Variants in SH3RF1 observed in about 807,000 individuals in gnomAD.
SH3RF1 encodes the protein SH3 domain containing ring finger 1.
Under a neutral mutation model 74.0 loss-of-function variants are expected in SH3RF1, and 32 were observed. The ratio of observed to expected loss-of-function variants is 0.43; its 90% CI spans 0.33 to 0.58. SH3RF1 has a LOEUF of 0.58. Among genes scored for constraint, SH3RF1 ranks in the 20% least tolerant of loss-of-function variants. The probability of loss-of-function intolerance (pLI) is 0.05; values close to 1 mark genes in which losing one functional copy is unlikely to be tolerated. For missense variants in SH3RF1, 954 were observed against 1,130.9 expected (o/e 0.84, Z 2.24); for synonymous variants, 396 against 439.6 (o/e 0.90, Z 1.24).
chr4:169,224,321 A>AT (rs11459151), intron 2 of SH3RF1, among the ~76,000 whole-genome samples: 67,995 of 146,368 alleles, frequency 0.46, 16,781 homozygotes, highest in East Asian at 0.76. Context: ...CTAATTTCCT[A>AT]TTTTTTTTTT....
intron 2 of SH3RF1, among the ~76,000 whole-genome samples, chr4:169,266,229 G>A (rs1211322030): frequency 2.0e-5 from 3 of 152,116 alleles, no homozygotes; most frequent in Non-Finnish European, 4.4e-5. Flanking sequence ...TTGGCTAAAC[G>A]CATGAGGAGG....
chr4:169,253,267 C>T (rs1036010808), intron 2 of SH3RF1, among the ~76,000 whole-genome samples: 4 of 152,180 alleles, frequency 2.6e-5, no homozygotes, highest in African/African-American at 9.7e-5. Context: ...CTTCTTAATC[C>T]ATAAGGAAAT....
At chr4:169,224,812 T>C (rs563258382) in intron 2 of SH3RF1, among the ~76,000 whole-genome samples, 44 of 152,288 alleles carry the variant, frequency 2.9e-4, no homozygotes, top group Admixed American at 1.1e-3. Flanking sequence ...AGGATTTGCC[T>C]AATGTGGCTT....
At position 169,156,440 on chromosome 4, in the gene SH3RF1, G is replaced by A. The variant is rs1734054645; in HGVS notation, c.633C>T (p.Asp211=). 1 of 1,599,644 alleles carries A rather than the reference G, an allele frequency of 6.3e-7. No homozygotes were observed. Among genetic ancestry groups the A allele is most frequent in the South Asian group, 1.1e-5 (1 of 89,824 alleles). The part of the protein sequence containing the change: ...CKALYDFEVK[D]KEADKDCLPF... ...GAAGGCAATCTTTGTCTGCTTCCTT[G>A]TCTTTCACTTCAAAGTCATAAAGTG... Residue 211 remains aspartate (D), a synonymous_variant, in exon 3 of 12, where the codon GAC becomes GAT. Transcript: ENST00000284637.
At chr4:169,108,769 G>A (rs908643017) in intron 10 of SH3RF1, among the ~76,000 whole-genome samples, 24 of 152,212 alleles carry the variant, frequency 1.6e-4, no homozygotes, top group Admixed American at 1.4e-3. Flanking sequence ...CACAAACTTG[G>A]ACTGCCTGCA....
chr4:169,122,415 A>G, intron 6 of SH3RF1, 149 bp from the exon 7 acceptor site: 2 of 880,750 alleles, frequency 2.3e-6, no homozygotes, highest in Non-Finnish European at 1.7e-6. Flanking sequence ...CAGCAGGCTA[A>G]CTGATATGAA....
chr4:169,258,890 T>C (rs930535755), intron 2 of SH3RF1, among the ~76,000 whole-genome samples: 7 of 152,192 alleles, frequency 4.6e-5, no homozygotes, highest in African/African-American at 1.7e-4. Flanking sequence ...CCTTATAACA[T>C]ATCTAATGTT....
chr4:169,146,075 A>ATTATATATTCTATATAAAATG (rs1733881283), intron 4 of SH3RF1, among the ~76,000 whole-genome samples: 1 of 103,880 alleles, frequency 9.6e-6, no homozygotes, highest in African/African-American at 4.4e-5. Context: ...TATATAAAAT[A>ATTATATATTCTATATAAAATG]TTATATATTC....
At chr4:169,152,004 ATTTTACAGAAAACTAGT>A (rs2126962711) in intron 4 of SH3RF1, among the ~76,000 whole-genome samples, 1 of 152,330 alleles carries the variant, frequency 6.6e-6, no homozygotes, top group East Asian at 1.9e-4. Flanking sequence ...CTTTCCTTCT[ATTTTACAGAAAACTAGT>A]GTTTTTGAAC....
chr4:169,206,984 G>A (rs1730273928), intron 2 of SH3RF1, among the ~76,000 whole-genome samples: 1 of 151,668 alleles, frequency 6.6e-6, no homozygotes, highest in African/African-American at 2.4e-5. Context: ...TTTTGAGACA[G>A]GGTTTCACTC....
In SH3RF1 at chr4:169,105,295, G is replaced by T. The variant is rs115141819; in HGVS notation, c.2498+1552C>A. Among the ~76,000 whole-genome samples the T allele has an allele frequency of 8.9e-3, 1,360 of 152,246 alleles. 24 individuals carry two copies. The highest frequency in any genetic ancestry group is 0.031 in the African/African-American group (1,298 of 41,540). Reference sequence around the variant, plus strand: ...TATATATTTATATAAGATATAAAAAGAGTCCACTATTTTGAGTATACTTCA... The same window carrying T: ...TATATATTTATATAAGATATAAAAATAGTCCACTATTTTGAGTATACTTCA... On this transcript the variant is annotated intron_variant, in intron 11 of 11. Transcript: ENST00000284637.
chr4:169,140,972 T>TGTTTTTTC (rs1301914426), intron 4 of SH3RF1, among the ~76,000 whole-genome samples: 1 of 150,896 alleles, frequency 6.6e-6, no homozygotes, highest in Non-Finnish European at 1.5e-5. Flanking sequence ...TTTGAGGTTT[T>TGTTTTTTC]GTTTTTTCTT....
At position 169,156,557 on chromosome 4, in the gene SH3RF1, G is replaced by A; in HGVS notation, c.516C>T (p.Tyr172=). ...ILRRQVDENW[Y]HGEVNGIHGF... is the part of the protein sequence containing the mutation. ...CATGGATTCCATTGACTTCCCCATG[G>A]TACCAATTTTCATCCACTTGTCTTC... The change falls in exon 3 of 12, where the codon TAC becomes TAT. Residue 172 remains tyrosine (Y), a synonymous_variant. Coordinates refer to ENST00000284637, the MANE Select transcript of SH3RF1 (RefSeq NM_020870.4). The A allele has an allele frequency of 1.2e-6, 2 of 1,614,028 alleles. No homozygotes were observed. The highest frequency in any genetic ancestry group is 2.2e-5 in the South Asian group (2 of 91,078).
chr4:169,108,008 T>C (rs1002753566), intron 10 of SH3RF1, among the ~76,000 whole-genome samples: 4 of 152,252 alleles, frequency 2.6e-5, no homozygotes, highest in African/African-American at 4.8e-5. Flanking sequence ...AGAAGCCATC[T>C]CTTGAATTTT....
chr4:169,255,452 A>G (rs1277867275), intron 2 of SH3RF1, among the ~76,000 whole-genome samples: 1 of 152,062 alleles, frequency 6.6e-6, no homozygotes, highest in South Asian at 2.1e-4. Context: ...TAACCAAAAC[A>G]TGGAAAAACT....
At chr4:169,142,518 C>T (rs895101533) in intron 4 of SH3RF1, among the ~76,000 whole-genome samples, 5 of 152,148 alleles carry the variant, frequency 3.3e-5, no homozygotes, top group Non-Finnish European at 7.4e-5. Flanking sequence ...GTCTGTGAAC[C>T]ATATGCCCAT....
intron 2 of SH3RF1, among the ~76,000 whole-genome samples, chr4:169,183,607 G>A (rs979775730): frequency 2.0e-5 from 3 of 152,006 alleles, no homozygotes; most frequent in African/African-American, 7.2e-5. Context: ...AATTAGCTGG[G>A]TGTGGTGGTG....
chr4:169,192,331 A>C (rs187743437), intron 2 of SH3RF1, among the ~76,000 whole-genome samples: 5 of 152,328 alleles, frequency 3.3e-5, no homozygotes, highest in African/African-American at 1.2e-4. Context: ...TGCAAACATG[A>C]ATAGACAGTT....
chr4:169,212,681 T>C (rs1416310824), intron 2 of SH3RF1, among the ~76,000 whole-genome samples: 1 of 152,266 alleles, frequency 6.6e-6, no homozygotes, highest in Non-Finnish European at 1.5e-5. Flanking sequence ...TTTCTTACAA[T>C]CAGTGAACCT....
Sources: allele counts gnomAD v4.1 joint callset (sites outside exome capture counted in the v4.1 genomes callset), GRCh38; gene constraint gnomAD v4.1.1; transcripts MANE v1.5; gene names NCBI Gene and HGNC (gene_info 2026-07-23, HGNC 2026-07-21).